Variants in MSI1 observed in about 807,000 individuals in gnomAD.
MSI1 encodes RNA-binding protein Musashi homolog 1.
Under a neutral mutation model 54.4 loss-of-function variants are expected in MSI1, and 15 were observed. The observed-to-expected ratio is 0.28, with a 90% CI of 0.18 to 0.42. MSI1 has a LOEUF of 0.42. Ranked by LOEUF, MSI1 falls within the 20% of genes least tolerant of loss-of-function variation. The pLI is 1.00. For synonymous variants in MSI1, 200 were observed against 196.5 expected, an observed-to-expected ratio of 1.02 and a Z score of -0.15; for missense variants, 304 against 506.0, an observed-to-expected ratio of 0.60 and a Z score of 3.83.
At chr12:120,363,991 G>A (rs764559780) in intron 5 of MSI1, among the ~76,000 whole-genome samples, 1 of 152,178 alleles carries the variant, frequency 6.6e-6, no homozygotes, top group Non-Finnish European at 1.5e-5. Context: ...CTGACCCCAT[G>A]TTCCGCAATC....
intron 6 of MSI1, 152 bp downstream of exon 6, chr12:120,362,891 G>A (rs1875763954): frequency 1.5e-6 from 1 of 654,390 alleles, no homozygotes; most frequent in Non-Finnish European, 2.7e-6. Flanking sequence ...GAGGCTGCAA[G>A]GTGGATTGGC....
At chr12:120,357,261 C>T (rs1379515287) in intron 8 of MSI1, among the ~76,000 whole-genome samples, 2 of 152,148 alleles carry the variant, frequency 1.3e-5, no homozygotes, top group Non-Finnish European at 2.9e-5. Flanking sequence ...TTTTCCAGTC[C>T]CATTTGACAG....
chr12:120,357,743 T>A (rs1302951234), intron 8 of MSI1, 73 bp downstream of exon 8: 1 of 1,440,904 alleles, frequency 6.9e-7, no homozygotes, highest in East Asian at 2.4e-5. Context: ...TGACCTCATG[T>A]AATCTGCCCA....
chr12:120,369,148 C>A lies in MSI1; in HGVS notation c.-57G>T. Reference sequence around the variant, plus strand: ...GGCGGCGGCGGCGGCGGCGGCGGCGCTCGGCGCGGGGCAGATGAGGAGCGC... The same window carrying A: ...GGCGGCGGCGGCGGCGGCGGCGGCGATCGGCGCGGGGCAGATGAGGAGCGC... On this transcript the variant is annotated 5_prime_UTR_variant, in exon 1 of 15. Transcript: ENST00000257552. 1.0e-6 allele frequency: 1 copy of A among 998,650 alleles called. No homozygotes were observed. Among genetic ancestry groups the A allele is most frequent in the Non-Finnish European group, 1.2e-6 (1 of 843,574 alleles). 61.9% of individuals were successfully genotyped at this position (998,650 alleles called of 1,614,324 possible).
chr12:120,344,210 T>C (rs1873927816), intron 14 of MSI1, among the ~76,000 whole-genome samples: 1 of 152,218 alleles, frequency 6.6e-6, no homozygotes, highest in Admixed American at 6.5e-5. Context: ...CACTAATTTG[T>C]TTAACCACTT....
downstream of MSI1, among the ~76,000 whole-genome samples, chr12:120,340,147 C>T (rs948349642): frequency 6.7e-6 from 1 of 149,768 alleles, no homozygotes; most frequent in Non-Finnish European, 1.5e-5. Flanking sequence ...AGTGCAGTGG[C>T]GCGACCTTGG....
At chr12:120,362,125 C>G (rs975336688) in intron 6 of MSI1, among the ~76,000 whole-genome samples, 12 of 152,018 alleles carry the variant, frequency 7.9e-5, no homozygotes, top group African/African-American at 2.9e-4. Context: ...TCTGGTCCCC[C>G]ACACCACCAG....
At chr12:120,364,444 C>T (rs1875893162) in intron 5 of MSI1, among the ~76,000 whole-genome samples, 1 of 152,148 alleles carries the variant, frequency 6.6e-6, no homozygotes, top group Non-Finnish European at 1.5e-5. Context: ...GGTTCAAATA[C>T]AGGACGATGA....
At position 120,341,775 on chromosome 12, in the gene MSI1, G is replaced by A. The variant is rs1236623536; in HGVS notation, c.*1352C>T. 1.3e-5 allele frequency: 2 copies of A among 152,110 alleles called. No individual in the cohort carries two copies. The highest frequency in any genetic ancestry group is 2.9e-5 in the Non-Finnish European group (2 of 68,016). 9.4% of individuals were successfully genotyped at this position (152,110 alleles called of 1,614,324 possible). A position where few individuals can be genotyped will look rare whatever the true frequency, so the allele number is the denominator to read the frequency against. ...AGACAATTAACTCTCCAAAGGTGGG[G>A]TTTCCGGGTGGGGGCAATGCTGGGG... On this transcript the variant is annotated 3_prime_UTR_variant, in exon 15 of 15. Transcript: ENST00000257552.
intron 11 of MSI1, among the ~76,000 whole-genome samples, chr12:120,348,477 C>G (rs1874321333): frequency 6.6e-6 from 1 of 152,180 alleles, no homozygotes; most frequent in Non-Finnish European, 1.5e-5. Flanking sequence ...TCAGGCGGCC[C>G]CTTGTCCCCA....
chr12:120,357,978 C>T (rs1875285061), intron 7 of MSI1, 80 bp from the exon 8 acceptor site: 2 of 1,157,314 alleles, frequency 1.7e-6, no homozygotes, highest in South Asian at 1.2e-5. Context: ...GTACCAATAT[C>T]CCCGCTCCTC....
chr12:120,363,282 T>G (rs2136980819), intron 5 of MSI1, 147 bp from the exon 6 acceptor site: 2 of 512,078 alleles, frequency 3.9e-6, no homozygotes, highest in Non-Finnish European at 6.5e-6. Flanking sequence ...GCAAGCTCCC[T>G]CTTGGACCCC....
At chr12:120,339,898 C>T (rs1873610196), downstream of MSI1, among the ~76,000 whole-genome samples, 1 of 151,772 alleles carries the variant, frequency 6.6e-6, no homozygotes, top group African/African-American at 2.4e-5. Flanking sequence ...CCCATCTCAG[C>T]CTCCCAAGTA....
chr12:120,357,943 C>T (rs1306146242), intron 7 of MSI1, 45 bp from the exon 8 acceptor site: 1 of 1,581,252 alleles, frequency 6.3e-7, no homozygotes. Context: ...AACCAGAGCG[C>T]AGGGTCAAAA....
chr12:120,352,677 GTAAA>G (rs922754499), intron 10 of MSI1, among the ~76,000 whole-genome samples: 1 of 151,358 alleles, frequency 6.6e-6, no homozygotes, highest in African/African-American at 2.4e-5. Context: ...AGACCCCCAA[GTAAA>G]TAAATAAATA....
At chr12:120,348,263 A>C (rs911117009) in intron 11 of MSI1, among the ~76,000 whole-genome samples, 1 of 152,168 alleles carries the variant, frequency 6.6e-6, no homozygotes, top group African/African-American at 2.4e-5. Flanking sequence ...TGCCTTGTAC[A>C]CGGCAGGTGC....
chr12:120,358,132 C>T (rs1875300074), intron 7 of MSI1, among the ~76,000 whole-genome samples: 1 of 152,206 alleles, frequency 6.6e-6, no homozygotes, highest in Non-Finnish European at 1.5e-5. Context: ...CCCAAGGTCA[C>T]ACAGCAAGTT....
intron 14 of MSI1, 93 bp from the exon 15 acceptor site, chr12:120,343,198 A>T (rs1360452520): frequency 6.6e-6 from 1 of 150,780 alleles, no homozygotes; most frequent in African/African-American, 2.4e-5. Flanking sequence ...TAAACTACCT[A>T]CTTTCTTCTT....
At chr12:120,357,239 T>C (rs1403993155) in intron 8 of MSI1, among the ~76,000 whole-genome samples, 1 of 152,178 alleles carries the variant, frequency 6.6e-6, no homozygotes, top group Non-Finnish European at 1.5e-5. Flanking sequence ...ACCAATACTA[T>C]GATGGAGGAG....
Sources: allele counts gnomAD v4.1 joint callset (sites outside exome capture counted in the v4.1 genomes callset), GRCh38; gene constraint gnomAD v4.1.1; transcripts MANE v1.5; gene names NCBI Gene and HGNC (gene_info 2026-07-23, HGNC 2026-07-21).